The following NKAIN1 variants were observed in gnomAD, a reference collection of about 807,000 sequenced individuals.
The protein encoded by NKAIN1 is sodium/potassium transporting ATPase interacting 1.
In NKAIN1, 13 loss-of-function variants were observed where a neutral mutation model predicts 31.6. The ratio of observed to expected loss-of-function variants is 0.41; its 90% confidence interval spans 0.27 to 0.65. The LOEUF is 0.65. Ranked by LOEUF, NKAIN1 falls within the 30% of genes least tolerant of loss-of-function variation. The probability of loss-of-function intolerance (pLI) is 0.30; values close to 1 mark genes in which losing one functional copy is unlikely to be tolerated. For synonymous variants in NKAIN1, 104 were observed against 109.0 expected (o/e 0.95, Z 0.28); for missense variants, 193 against 262.2 (o/e 0.74, Z 1.82).
chr1:31,197,891 T>C (rs1307052134), intron 1 of NKAIN1, among the ~76,000 whole-genome samples: 1 of 152,042 alleles, frequency 6.6e-6, no homozygotes, highest in Non-Finnish European at 1.5e-5. Flanking sequence ...GGATTTTCGC[T>C]TTGTCACCCA....
chr1:31,207,538 G>A (rs112458682), intron 1 of NKAIN1, among the ~76,000 whole-genome samples: 59 of 152,236 alleles, frequency 3.9e-4, no homozygotes, highest in African/African-American at 1.4e-3. Flanking sequence ...TCACTTTGAG[G>A]CCAGGTGGTA....
At chr1:31,232,992 T>G (rs1012328008) in intron 1 of NKAIN1, among the ~76,000 whole-genome samples, 3 of 152,060 alleles carry the variant, frequency 2.0e-5, no homozygotes, top group Non-Finnish European at 4.4e-5. Context: ...ATTCCCTGGT[T>G]TTCTCAATCT....
In NKAIN1 at chr1:31,188,541, C is replaced by T. The variant is rs1455911742; in HGVS notation, c.55-354G>A. 5 of 219,030 alleles carry T rather than the reference C, an allele frequency of 2.3e-5. No individual in the cohort carries two copies. The South Asian group carries it at 3.1e-4, about 14-fold the overall frequency. 13.6% of individuals were successfully genotyped at this position (219,030 alleles called of 1,614,324 possible). The stretch of plus-strand genomic sequence containing the variant: ...TGGAGGGCAAGGAAGTCCTGGAGCC[C>T]GAGTCACCTCTTCCAAGGATCCCCA... On this transcript the variant is annotated intron_variant, in intron 1 of 6. Transcript: ENST00000373736.
At chr1:31,187,714 A>G (rs1019480186) in intron 2 of NKAIN1, among the ~76,000 whole-genome samples, 1 of 151,894 alleles carries the variant, frequency 6.6e-6, no homozygotes, top group Non-Finnish European at 1.5e-5. Context: ...TGGAAAATGG[A>G]GCTGTTAAGA....
chr1:31,197,526 A>G lies in NKAIN1; in HGVS notation c.55-9339T>C, dbSNP rs868495244. Among the ~76,000 whole-genome samples the G allele has an allele frequency of 1.0e-3, 151 of 145,746 alleles. 1 individual carries two copies. Among genetic ancestry groups the G allele is most frequent in the Middle Eastern group, 7.5e-3 (2 of 268 alleles). On this transcript the variant is annotated intron_variant, in intron 1 of 6. Transcript: ENST00000373736. ...CTCCCAAAGTGCTGGGATTACAGGC[A>G]TGAGCCACCGTGCCCGGCCTTTTTT...
At chr1:31,217,139 TA>T (rs1213872802) in intron 1 of NKAIN1, among the ~76,000 whole-genome samples, 1 of 152,100 alleles carries the variant, frequency 6.6e-6, no homozygotes, top group Admixed American at 6.6e-5. Flanking sequence ...GTTCTGGGAT[TA>T]CAGGCATGAG....
rs543422530 is a variant in NKAIN1 at position 31,180,304 on chromosome 1, G to T, written c.*1399C>A. 4 of 152,370 alleles carry T rather than the reference G, an allele frequency of 2.6e-5. No individual in the cohort carries two copies. The highest frequency in any genetic ancestry group is 9.6e-5 in the African/African-American group (4 of 41,566). The allele number at this position is 152,370 out of a possible 1,614,324, so 9.4% of individuals were successfully genotyped here. A position where few individuals can be genotyped will look rare whatever the true frequency, so the allele number is the denominator to read the frequency against. ...GCCTCTTTCACAGATGAAATGCTGA[G>T]ACCTGATCCTCTCTCTATGGACGCA... is the stretch of plus-strand genomic sequence containing the variant. On this transcript the variant is annotated 3_prime_UTR_variant, in exon 7 of 7. Coordinates refer to ENST00000373736, the MANE Select transcript of NKAIN1 (RefSeq NM_024522.3).
At chr1:31,206,611 AT>A (rs1349182235) in intron 1 of NKAIN1, among the ~76,000 whole-genome samples, 1 of 151,292 alleles carries the variant, frequency 6.6e-6, no homozygotes, top group Non-Finnish European at 1.5e-5. Flanking sequence ...AATTTTTTGT[AT>A]TTTTGGTGGA....
chr1:31,236,492 C>T (rs1211704535), intron 1 of NKAIN1, among the ~76,000 whole-genome samples: 1 of 152,204 alleles, frequency 6.6e-6, no homozygotes, highest in African/African-American at 2.4e-5. Flanking sequence ...CCCTTCTCCC[C>T]TCAGGCTGGT....
At chr1:31,238,629 G>A (rs915796672) in intron 1 of NKAIN1, among the ~76,000 whole-genome samples, 2 of 152,174 alleles carry the variant, frequency 1.3e-5, no homozygotes, top group Admixed American at 6.5e-5. Context: ...CTATGCTGGG[G>A]CTAGGCACAG....
chr1:31,227,236 G>A (rs1388386918), intron 1 of NKAIN1, among the ~76,000 whole-genome samples: 1 of 152,178 alleles, frequency 6.6e-6, no homozygotes, highest in African/African-American at 2.4e-5. Context: ...GCGTGACTTT[G>A]GCCAAGTGAC....
Position 31,231,829 on chromosome 1 carries a change from G to A in NKAIN1, c.54+7665C>T, listed in dbSNP as rs1025599557. On this transcript the variant is annotated intron_variant, in intron 1 of 6. Transcript: ENST00000373736. ...ACAAGCGTGAGCCACTGCACCTGGC[G>A]AGTTCAATTGTTTTAATTTTTAGCT... 5.3e-5 allele frequency among the ~76,000 whole-genome samples: 8 copies of A among 152,206 alleles called. No individual in the cohort carries two copies. The East Asian group carries it at 5.8e-4, about 11-fold the overall frequency.
chr1:31,204,051 T>C (rs1485936620), intron 1 of NKAIN1, among the ~76,000 whole-genome samples: 1 of 152,090 alleles, frequency 6.6e-6, no homozygotes, highest in Non-Finnish European at 1.5e-5. Flanking sequence ...AGCACAGCAC[T>C]TTCAGGGACA....
chr1:31,235,294 C>T (rs1569595930), intron 1 of NKAIN1, among the ~76,000 whole-genome samples: 1 of 150,672 alleles, frequency 6.6e-6, no homozygotes, highest in African/African-American at 2.4e-5. Flanking sequence ...AGAGAAAAGG[C>T]ACGGGATTAA....
At position 31,182,513 on chromosome 1, in the gene NKAIN1, AG is replaced by A; in HGVS notation, c.532+16del. The A allele has an allele frequency of 1.2e-6, 2 of 1,613,832 alleles. No homozygotes were observed. Among genetic ancestry groups the A allele is most frequent in the Non-Finnish European group, 1.7e-6 (2 of 1,179,762 alleles). The stretch of plus-strand genomic sequence containing the variant: ...GCAGGGCCAGATTCCCCACTTCCCC[AG>A]GGGCGCCTTACTCACAGCTGTCCTC... On this transcript the variant is annotated intron_variant, in intron 5 of 6. Transcript: ENST00000373736.
At chr1:31,197,870 T>G (rs1314510312) in intron 1 of NKAIN1, among the ~76,000 whole-genome samples, 1 of 152,116 alleles carries the variant, frequency 6.6e-6, no homozygotes, top group Non-Finnish European at 1.5e-5. Context: ...TATTTTTATT[T>G]TTTTGAGATG....
chr1:31,218,962 C>T (rs936846582), intron 1 of NKAIN1, among the ~76,000 whole-genome samples: 4 of 152,190 alleles, frequency 2.6e-5, no homozygotes, highest in Admixed American at 6.5e-5. Context: ...TGGCATCACC[C>T]GAGGCTGATC....
chr1:31,192,350 T>C (rs1295028865), intron 1 of NKAIN1, among the ~76,000 whole-genome samples: 1 of 152,190 alleles, frequency 6.6e-6, no homozygotes, highest in Admixed American at 6.5e-5. Flanking sequence ...CACTTATTTA[T>C]TCACAGAACG....
chr1:31,199,569 G>C (rs776628780), intron 1 of NKAIN1, among the ~76,000 whole-genome samples: 1 of 152,158 alleles, frequency 6.6e-6, no homozygotes, highest in Admixed American at 6.5e-5. Flanking sequence ...CCTCATTAGG[G>C]AGGTGAGCAA....
Sources: gnomAD v4.1 joint callset for allele counts (sites outside exome capture counted in the v4.1 genomes callset) on GRCh38, gnomAD v4.1.1 for gene constraint, MANE v1.5 for transcripts, NCBI Gene and HGNC (gene_info 2026-07-23, HGNC 2026-07-21) for gene names.